Variants in ANXA10 observed in about 807,000 individuals in gnomAD.
The protein encoded by ANXA10 is annexin A10.
In ANXA10, 49 loss-of-function variants were observed where a neutral mutation model predicts 53.5. That is an observed-to-expected ratio of 0.92 (90% CI 0.73 to 1.16). ANXA10 has a LOEUF of 1.16. ANXA10 is among the 50% of genes most tolerant of loss of function. The pLI is 0.00. For missense variants in ANXA10, 393 were observed against 394.4 expected (o/e 1.00, Z 0.03); for synonymous variants, 131 against 128.9 (o/e 1.02, Z -0.11).
chr4:168,173,950 T>G (rs2149479760), intron 6 of ANXA10, among the ~76,000 whole-genome samples: 3 of 152,190 alleles, frequency 2.0e-5, no homozygotes, highest in Middle Eastern at 6.8e-3. Flanking sequence ...ATAAAAACGC[T>G]GGACTCAGTC....
intron 11 of ANXA10, among the ~76,000 whole-genome samples, chr4:168,186,443 T>C (rs1732371892): frequency 6.6e-6 from 1 of 152,180 alleles, no homozygotes; most frequent in Non-Finnish European, 1.5e-5. Context: ...GTGGGGTCTT[T>C]GTGAGGTGAT....
chr4:168,096,930 G>GTATATATATATATATATA (rs1560956143), intron 1 of ANXA10, among the ~76,000 whole-genome samples: 4 of 38,250 alleles, frequency 1.0e-4, no homozygotes, highest in Admixed American at 2.6e-4. Context: ...ATATATATAT[G>GTATATATATATATATATA]TATGTATATG....
At chr4:168,118,223 C>T (rs1402999023) in intron 1 of ANXA10, among the ~76,000 whole-genome samples, 2 of 152,000 alleles carry the variant, frequency 1.3e-5, no homozygotes, top group East Asian at 3.9e-4. Flanking sequence ...AAAAATGGGC[C>T]CTTGGCCTAA....
At chr4:168,100,939 T>G (rs924886024) in intron 1 of ANXA10, among the ~76,000 whole-genome samples, 3 of 151,956 alleles carry the variant, frequency 2.0e-5, no homozygotes, top group Non-Finnish European at 4.4e-5. Flanking sequence ...AAACCACAGA[T>G]ATTGTTTAGA....
rs1560795123 is a variant in ANXA10, at chr4:168,184,657, A to G, written c.882A>G (p.Gly294=). ...GGAAACGATACAAAGAGCGATATGG[A>G]AAATCCCTATTTCATGATATCAGAG... ...TIRKRYKERY[G]KSLFHDIRNF... The change falls in exon 11 of 12, where the codon GGA becomes GGG. Residue 294 remains glycine (G), a synonymous_variant. Transcript: ENST00000359299. 1.2e-6 allele frequency: 2 copies of G among 1,613,958 alleles called. No homozygotes were observed. Among genetic ancestry groups the G allele is most frequent in the African/African-American group, 1.3e-5 (1 of 74,934 alleles).
intron 1 of ANXA10, among the ~76,000 whole-genome samples, chr4:168,114,577 TA>T (rs1196702963): frequency 1.3e-5 from 2 of 152,206 alleles, no homozygotes; most frequent in Non-Finnish European, 1.5e-5. Context: ...GTTACAAAGG[TA>T]AACTTGTGTC....
At chr4:168,156,133 T>G (rs373769413) in intron 3 of ANXA10, among the ~76,000 whole-genome samples, 18,367 of 50,754 alleles carry the variant, frequency 0.36, 3,102 homozygotes, top group South Asian at 0.41. Flanking sequence ...TTTATATATA[T>G]TATATATAAA....
intron 6 of ANXA10, among the ~76,000 whole-genome samples, chr4:168,168,837 T>G (rs1731929146): frequency 6.6e-6 from 1 of 152,216 alleles, no homozygotes; most frequent in African/African-American, 2.4e-5. Context: ...TGATGATGAC[T>G]ATATTAGGCC....
At chr4:168,110,309 A>G (rs1258770355) in intron 1 of ANXA10, among the ~76,000 whole-genome samples, 1 of 152,124 alleles carries the variant, frequency 6.6e-6, no homozygotes, top group African/African-American at 2.4e-5. Flanking sequence ...TCAAGATAAA[A>G]TGTGCTCCTT....
At chr4:168,124,733 T>C (rs1161123230) in intron 1 of ANXA10, among the ~76,000 whole-genome samples, 2 of 152,170 alleles carry the variant, frequency 1.3e-5, no homozygotes, top group African/African-American at 4.8e-5. Flanking sequence ...GGATGTTTCT[T>C]TCTTCTGAAA....
intron 3 of ANXA10, among the ~76,000 whole-genome samples, chr4:168,154,268 ACATT>A (rs1020615420): frequency 1.3e-5 from 2 of 152,144 alleles, no homozygotes; most frequent in Non-Finnish European, 2.9e-5. Flanking sequence ...TTCTTTATCC[ACATT>A]CATCCATTAT....
chr4:168,175,892 C>G (rs1175584637), intron 6 of ANXA10, among the ~76,000 whole-genome samples: 1 of 152,176 alleles, frequency 6.6e-6, no homozygotes, highest in Non-Finnish European at 1.5e-5. Context: ...ATTGCACTTT[C>G]TCATATGCCT....
chr4:168,151,382 A>G (rs1342839545), intron 3 of ANXA10, among the ~76,000 whole-genome samples: 1 of 152,208 alleles, frequency 6.6e-6, no homozygotes, highest in Non-Finnish European at 1.5e-5. Context: ...AAGACGAATA[A>G]GAAATAAGAA....
At chr4:168,155,138 T>G (rs1731582816) in intron 3 of ANXA10, among the ~76,000 whole-genome samples, 1 of 151,324 alleles carries the variant, frequency 6.6e-6, no homozygotes, top group African/African-American at 2.4e-5. Flanking sequence ...TGTTGGTATC[T>G]CCTAAGCCTT....
chr4:168,165,305 T>A lies in ANXA10; in HGVS notation c.459T>A (p.Asp153Glu). The A allele has an allele frequency of 6.3e-7, 1 of 1,586,680 alleles. No homozygotes were observed. The highest frequency in any genetic ancestry group is 2.3e-5 in the East Asian group (1 of 44,234). ...IYSETSGHFR[D>E]TLMNLVQGTR... Reference sequence around the variant, plus strand: ...CAGAGACCTCAGGACACTTCAGAGATACTCTCATGAACTTGGTCCAGGTAT... The same window carrying A: ...CAGAGACCTCAGGACACTTCAGAGAAACTCTCATGAACTTGGTCCAGGTAT... Residue 153 changes from aspartate (D) to glutamate (E), a missense_variant, in exon 6 of 12, where the codon GAT becomes GAA. Asp to Glu is a conservative substitution (Grantham distance 45, BLOSUM62 2). Transcript: ENST00000359299.
chr4:168,104,613 T>C (rs1730690199), intron 1 of ANXA10, among the ~76,000 whole-genome samples: 1 of 151,938 alleles, frequency 6.6e-6, no homozygotes, highest in African/African-American at 2.4e-5. Flanking sequence ...TGAATGAGTT[T>C]GGGTAATTTT....
At chr4:168,097,429 T>G (rs181613933) in intron 1 of ANXA10, among the ~76,000 whole-genome samples, 1 of 152,116 alleles carries the variant, frequency 6.6e-6, no homozygotes, top group East Asian at 1.9e-4. Flanking sequence ...AGCCTCTCCT[T>G]TGGTCATAAG....
chr4:168,163,916 A>G (rs1311454232), intron 4 of ANXA10, among the ~76,000 whole-genome samples: 1 of 152,200 alleles, frequency 6.6e-6, no homozygotes, highest in Non-Finnish European at 1.5e-5. Flanking sequence ...TGCCATGAGC[A>G]TTGCTTGAAC....
chr4:168,184,340 T>C (rs2149482622), intron 10 of ANXA10, among the ~76,000 whole-genome samples: 1 of 151,944 alleles, frequency 6.6e-6, no homozygotes, highest in South Asian at 2.1e-4. Flanking sequence ...ATTCAGAAAA[T>C]AGAAGAGAAT....
Sources: allele counts gnomAD v4.1 joint callset (sites outside exome capture counted in the v4.1 genomes callset), GRCh38; gene constraint gnomAD v4.1.1; transcripts MANE v1.5; gene names NCBI Gene and HGNC (gene_info 2026-07-23, HGNC 2026-07-21).